The following PACS1 variants were observed in gnomAD, a reference collection of about 807,000 sequenced individuals.
PACS1 encodes the protein phosphofurin acidic cluster sorting protein 1, also known as PACS-1.
A neutral mutation model predicts 115.0 loss-of-function variants in PACS1; 24 were observed. The observed-to-expected ratio is 0.21, with a 90% CI of 0.15 to 0.29. PACS1 has a LOEUF of 0.29. Ranked by LOEUF, PACS1 falls within the 10% of genes least tolerant of loss-of-function variation. PACS1 has a pLI of 1.00. For synonymous variants in PACS1, 453 were observed against 504.5 expected (o/e 0.90, Z 1.37); for missense variants, 838 against 1,251.2 (o/e 0.67, Z 4.98).
At chr11:66,133,731 C>A (rs150848088) in intron 1 of PACS1, among the ~76,000 whole-genome samples, 1 of 152,300 alleles carries the variant, frequency 6.6e-6, no homozygotes, top group African/African-American at 2.4e-5. Context: ...TCTGAAACTT[C>A]TGGCCTCAAG....
intron 1 of PACS1, among the ~76,000 whole-genome samples, chr11:66,159,494 C>T (rs1859439774): frequency 6.6e-6 from 1 of 151,996 alleles, no homozygotes; most frequent in Non-Finnish European, 1.5e-5. Context: ...GGTGGGGAGA[C>T]ATTACCAAAC....
intron 1 of PACS1, among the ~76,000 whole-genome samples, chr11:66,131,056 A>G (rs1163544554): frequency 6.6e-6 from 1 of 152,198 alleles, no homozygotes; most frequent in Non-Finnish European, 1.5e-5. Flanking sequence ...CCTGGGCAAC[A>G]GAGTGAGACT....
chr11:66,212,849 T>TATTC (rs1855108087), intron 4 of PACS1, among the ~76,000 whole-genome samples: 1 of 152,070 alleles, frequency 6.6e-6, no homozygotes, highest in Non-Finnish European at 1.5e-5. Context: ...TAATTGGCTT[T>TATTC]ATTTATTTAT....
intron 1 of PACS1, among the ~76,000 whole-genome samples, chr11:66,135,950 C>G (rs12420910): frequency 6.6e-6 from 1 of 152,318 alleles, no homozygotes; most frequent in East Asian, 1.9e-4. Context: ...AGCCACTACA[C>G]CCAGCCTCCT....
At chr11:66,077,111 C>T (rs1857412048) in intron 1 of PACS1, among the ~76,000 whole-genome samples, 2 of 152,100 alleles carry the variant, frequency 1.3e-5, no homozygotes, top group African/African-American at 4.8e-5. Context: ...ACCTGTGTTC[C>T]CCGTTATCTC....
chr11:66,200,915 ACATT>A (rs1228265508), intron 2 of PACS1, among the ~76,000 whole-genome samples: 1 of 151,770 alleles, frequency 6.6e-6, no homozygotes, highest in Non-Finnish European at 1.5e-5. Context: ...AAGTCTTAAA[ACATT>A]CAAAAAAAAA....
chr11:66,187,641 C>T (rs1413782741), intron 1 of PACS1, among the ~76,000 whole-genome samples: 1 of 152,158 alleles, frequency 6.6e-6, no homozygotes, highest in African/African-American at 2.4e-5. Context: ...CAGGATCTCA[C>T]ACTTTTTTAT....
intron 10 of PACS1, among the ~76,000 whole-genome samples, chr11:66,223,257 C>A (rs1855397440): frequency 6.6e-6 from 1 of 151,934 alleles, no homozygotes; most frequent in Non-Finnish European, 1.5e-5. Flanking sequence ...CCACACCCGG[C>A]TAATTTTTGT....
intron 1 of PACS1, among the ~76,000 whole-genome samples, chr11:66,189,778 G>C (rs1854475208): frequency 6.6e-6 from 1 of 152,176 alleles, no homozygotes; most frequent in Non-Finnish European, 1.5e-5. Context: ...TGAAAACAAG[G>C]AAAAACCTAA....
At chr11:66,081,871 CTT>C (rs1267574328) in intron 1 of PACS1, among the ~76,000 whole-genome samples, 1 of 152,098 alleles carries the variant, frequency 6.6e-6, no homozygotes, top group Non-Finnish European at 1.5e-5. Context: ...TTTTTTTTCT[CTT>C]GTCTTTTTAA....
intron 1 of PACS1, among the ~76,000 whole-genome samples, chr11:66,159,074 G>GA (rs995137669): frequency 6.6e-6 from 1 of 152,164 alleles, no homozygotes; most frequent in Admixed American, 6.5e-5. Context: ...AAGCCTGATG[G>GA]AAAAATTTTC....
At position 66,070,621 on chromosome 11, in the gene PACS1, G is replaced by T. The variant is rs778693310; in HGVS notation, c.135G>T (p.Pro45=). The T allele has an allele frequency of 3.6e-5, 55 of 1,542,246 alleles. No individual in the cohort carries two copies. The Middle Eastern group carries it at 7.3e-4, about 21-fold the overall frequency. Residue 45 remains proline (P), a synonymous_variant, in exon 1 of 24, where the codon CCG becomes CCT. Transcript: ENST00000320580. This position sits in a 1 kb window ranked among gnomAD's most constrained non-coding sequence, Gnocchi z 5.9. ...QQQQQQPPQQ[P]TPPKLAQATS... ...AGCAGCAGCAGCCGCCGCAGCAGCC[G>T]ACGCCCCCCAAGCTGGCCCAGGCCA...
At chr11:66,200,018 C>T (rs1349227118) in intron 2 of PACS1, among the ~76,000 whole-genome samples, 3 of 133,178 alleles carry the variant, frequency 2.3e-5, no homozygotes, top group Admixed American at 1.7e-4. Flanking sequence ...GACTCTGTCT[C>T]AAAAAAACAA....
In PACS1 at chr11:66,235,641, C is replaced by A; in HGVS notation, c.2207+238C>A. Reference sequence around the variant, plus strand: ...TTCCTGCCCTTCAGTATAAAGCAGCCCATCCTCATAGCTGGAACTCAGACG... The same window carrying A: ...TTCCTGCCCTTCAGTATAAAGCAGCACATCCTCATAGCTGGAACTCAGACG... On this transcript the variant is annotated intron_variant, in intron 18 of 23. Transcript: ENST00000320580. The surrounding 1 kb of genome is among the most constrained non-coding windows in gnomAD (Gnocchi z 5.6). 1 of 604,994 alleles carries A rather than the reference C, an allele frequency of 1.7e-6. No homozygotes were observed. Among genetic ancestry groups the A allele is most frequent in the South Asian group, 2.0e-5 (1 of 50,920 alleles). The allele number at this position is 604,994 out of a possible 1,614,324, so 37.5% of individuals were successfully genotyped here.
At chr11:66,107,733 A>G (rs1858083095) in intron 1 of PACS1, among the ~76,000 whole-genome samples, 1 of 152,182 alleles carries the variant, frequency 6.6e-6, no homozygotes, top group Admixed American at 6.5e-5. Flanking sequence ...ATTCTTTCTT[A>G]GCATAACTGA....
At chr11:66,240,750 T>C (rs1206564711) in intron 21 of PACS1, among the ~76,000 whole-genome samples, 2 of 152,056 alleles carry the variant, frequency 1.3e-5, no homozygotes, top group African/African-American at 4.8e-5. Flanking sequence ...GCACCAACCC[T>C]TTCCTCTACC....
At chr11:66,136,361 C>G (rs1185018218) in intron 1 of PACS1, among the ~76,000 whole-genome samples, 15 of 135,828 alleles carry the variant, frequency 1.1e-4, no homozygotes, top group Admixed American at 8.5e-4. Context: ...ACACCAAAAA[C>G]CAAAACAAAC....
chr11:66,075,382 A>G (rs1857376985), intron 1 of PACS1, among the ~76,000 whole-genome samples: 1 of 151,952 alleles, frequency 6.6e-6, no homozygotes, highest in Non-Finnish European at 1.5e-5. Flanking sequence ...CTGGGACCAT[A>G]GGCACTTGCC....
At chr11:66,100,131 C>T (rs189794177) in intron 1 of PACS1, among the ~76,000 whole-genome samples, 89 of 151,970 alleles carry the variant, frequency 5.9e-4, no homozygotes, top group African/African-American at 1.8e-3. Flanking sequence ...CTGCCCGCCT[C>T]GGCCTCCCAA....
Sources: allele counts gnomAD v4.1 joint callset (sites outside exome capture counted in the v4.1 genomes callset), GRCh38; gene constraint gnomAD v4.1.1; non-coding constraint Gnocchi (gnomAD v3.1); transcripts MANE v1.5; gene names NCBI Gene and HGNC (gene_info 2026-07-23, HGNC 2026-07-21).